The following MED14 variants were observed in gnomAD, a reference collection of about 807,000 sequenced individuals.
MED14 encodes mediator complex subunit 14.
MED14 carries 8 observed loss-of-function variants against 109.0 expected under a neutral mutation model. The ratio of observed to expected loss-of-function variants is 0.07; its 90% CI spans 0.04 to 0.13. The LOEUF is 0.13. Among genes scored for constraint, MED14 ranks in the 10% least tolerant of loss-of-function variants. MED14 has a pLI of 1.00. For missense variants in MED14, 711 were observed against 1,142.4 expected, an observed-to-expected ratio of 0.62 and a Z score of 5.44; for synonymous variants, 399 against 408.7, an observed-to-expected ratio of 0.98 and a Z score of 0.29.
At position 40,711,266 on chromosome X, in the gene MED14, G is replaced by A. The variant is rs1253121268; in HGVS notation, c.925C>T (p.His309Tyr). ...FCLSLQLEVL[H>Y]SQTLMLIRER... ...CGGATTAACATTAGAGTTTGGGAATGTAACACTTCTAACTGAAGTGATAAA... is the reference window on the plus strand; with the variant it reads ...CGGATTAACATTAGAGTTTGGGAATATAACACTTCTAACTGAAGTGATAAA... The change falls in exon 8 of 31, where the codon CAT becomes TAT. Residue 309 changes from histidine (H) to tyrosine (Y), a missense_variant. His to Tyr is a moderately conservative substitution (Grantham distance 83). This residue lies in a region of MED14 where 388 missense variants were observed against 517.3 expected (regional missense o/e 0.75). Transcript: ENST00000324817. 1.7e-6 allele frequency: 2 copies of A among 1,202,595 alleles called. No individual in the cohort carries two copies. The highest frequency in any genetic ancestry group is 2.3e-6 in the Non-Finnish European group (2 of 887,471).
At chrX:40,698,536 T>C (rs946085353) in intron 12 of MED14, among the ~76,000 whole-genome samples, 10 of 112,517 alleles carry the variant, frequency 8.9e-5, no homozygotes, top group African/African-American at 3.2e-4. Context: ...TACTGAAGTA[T>C]AACTTTATCT....
intron 3 of MED14, among the ~76,000 whole-genome samples, chrX:40,717,276 GA>G (rs981343335): frequency 1.1e-4 from 11 of 101,572 alleles, no homozygotes; most frequent in Middle Eastern, 4.7e-3. Context: ...TATATCAATT[GA>G]AAAAAAAAAG....
At position 40,661,913 on chromosome X, in the gene MED14, G is replaced by A. The variant is rs1929290746; in HGVS notation, c.3684+1012C>T. 2.7e-5 allele frequency among the ~76,000 whole-genome samples: 3 copies of A among 111,247 alleles called. No homozygotes were observed. In the Admixed American group the frequency reaches 2.9e-4, roughly 11 times the overall value. Reference sequence around the variant, plus strand: ...CAGTCTCACTCTGTTGCCCAGGCTGGAGTGCAGTGGCGCGATCTTGGCTCA... The same window carrying A: ...CAGTCTCACTCTGTTGCCCAGGCTGAAGTGCAGTGGCGCGATCTTGGCTCA... On this transcript the variant is annotated intron_variant, in intron 26 of 30. Transcript: ENST00000324817.
At chrX:40,692,656 C>G in intron 14 of MED14, 52 bp downstream of exon 14, 1 of 1,111,373 alleles carries the variant, frequency 9.0e-7, no homozygotes, top group Non-Finnish European at 1.2e-6. Flanking sequence ...GTAAAGAACA[C>G]AACCAAGTTA....
At chrX:40,656,717 TAAAC>T (rs1252214741) in intron 28 of MED14, among the ~76,000 whole-genome samples, 1 of 112,055 alleles carries the variant, frequency 8.9e-6, no homozygotes, top group African/African-American at 3.2e-5. Flanking sequence ...TAAGCTTTGT[TAAAC>T]AACACAAAAC....
chrX:40,660,646 C>T (rs1929228927), intron 26 of MED14, among the ~76,000 whole-genome samples: 1 of 111,755 alleles, frequency 8.9e-6, no homozygotes. Context: ...TTTACTGACC[C>T]GTTTTAGCAG....
chrX:40,718,352 CAA>C (rs1931610169), intron 3 of MED14, among the ~76,000 whole-genome samples: 1 of 111,734 alleles, frequency 8.9e-6, no homozygotes, highest in Non-Finnish European at 1.9e-5. Context: ...AGGTCAAGCT[CAA>C]AGAGTACCAA....
chrX:40,658,311 C>T (rs1231084596), intron 28 of MED14, among the ~76,000 whole-genome samples: 1 of 103,389 alleles, frequency 9.7e-6, no homozygotes, highest in Non-Finnish European at 2.0e-5. Flanking sequence ...AGGCTGGTCT[C>T]GAGCTCCTGA....
chrX:40,735,144 C>T, intron 1 of MED14, 54 bp downstream of exon 1: 4 of 841,778 alleles, frequency 4.8e-6, no homozygotes, highest in Non-Finnish European at 6.2e-6. Flanking sequence ...AACGTCTCAG[C>T]CGGTTGGGCG....
chrX:40,728,180 T>G (rs1315414334), intron 2 of MED14, among the ~76,000 whole-genome samples: 3 of 111,407 alleles, frequency 2.7e-5, no homozygotes, highest in Non-Finnish European at 5.7e-5. Context: ...GCAAACACAC[T>G]TGTCTATCAT....
chrX:40,683,022 G>A, intron 16 of MED14, 26 bp from the exon 17 acceptor site: 1 of 1,161,871 alleles, frequency 8.6e-7, no homozygotes, highest in African/African-American at 1.8e-5. Context: ...AGCATATGAA[G>A]TATACTTTAC....
chrX:40,711,614 TTTA>T (rs1179808768), intron 7 of MED14, among the ~76,000 whole-genome samples: 1 of 110,649 alleles, frequency 9.0e-6, no homozygotes, highest in Non-Finnish European at 1.9e-5. Context: ...ACAGTACTTT[TTTA>T]TTATTATTAT....
At chrX:40,659,735 G>T in intron 26 of MED14, 128 bp from the exon 27 acceptor site, 1 of 553,724 alleles carries the variant, frequency 1.8e-6, no homozygotes, top group Non-Finnish European at 2.8e-6. Flanking sequence ...CTACAGCATT[G>T]AGCATCAGCT....
chrX:40,674,190 C>A (rs759875988), intron 22 of MED14, among the ~76,000 whole-genome samples: 1 of 111,273 alleles, frequency 9.0e-6, no homozygotes, highest in African/African-American at 3.3e-5. Context: ...ACAAGAGCCC[C>A]GCACCTCGGC....
intron 28 of MED14, among the ~76,000 whole-genome samples, chrX:40,656,029 A>G (rs754819978): frequency 6.4e-4 from 71 of 111,159 alleles, no homozygotes; most frequent in African/African-American, 2.2e-3. Flanking sequence ...AGTTGGATCC[A>G]TACCTCCTCA....
At chrX:40,712,742 T>G (rs1361021050) in intron 6 of MED14, among the ~76,000 whole-genome samples, 172 bp downstream of exon 6, 1 of 111,628 alleles carries the variant, frequency 9.0e-6, no homozygotes, top group East Asian at 2.8e-4. Flanking sequence ...TCTTGCTATA[T>G]TGTCTAGGCT....
At position 40,688,309 on chromosome X, in the gene MED14, C is replaced by T. The variant is rs762553008; in HGVS notation, c.2057+145G>A. The T allele has an allele frequency of 2.1e-4, 93 of 433,026 alleles. 2 individuals are homozygous for T. Among genetic ancestry groups the T allele is most frequent in the African/African-American group, 1.4e-3 (56 of 40,465 alleles). 35.7% of individuals were successfully genotyped at this position (433,026 alleles called of 1,213,427 possible). ...CCACTCCATAGATTAAAGGAATCTT[C>T]CCCCAGACCCTAGTAACTCTATGCA... On this transcript the variant is annotated intron_variant, in intron 16 of 30. Transcript: ENST00000324817.
At chrX:40,694,000 C>T (rs776968764) in intron 13 of MED14, among the ~76,000 whole-genome samples, 37 of 110,929 alleles carry the variant, frequency 3.3e-4, no homozygotes, top group African/African-American at 1.2e-3. Context: ...CAGGTTCAAG[C>T]GATTCTTGTG....
chrX:40,705,748 G>A (rs1182502051), intron 10 of MED14, among the ~76,000 whole-genome samples: 1 of 111,485 alleles, frequency 9.0e-6, no homozygotes, highest in Non-Finnish European at 1.9e-5. Context: ...CGGCAACTAA[G>A]CTCAATTAGG....
Sources: gnomAD v4.1 joint callset for allele counts (sites outside exome capture counted in the v4.1 genomes callset) on GRCh38, gnomAD v4.1.1 for gene constraint, gnomAD v4.1.1 regional missense constraint, MANE v1.5 for transcripts, NCBI Gene and HGNC (gene_info 2026-07-23, HGNC 2026-07-21) for gene names.